Variants in EVC observed in about 807,000 individuals in gnomAD.
EVC encodes evC complex member EVC.
In EVC, 116 loss-of-function variants were observed where a neutral mutation model predicts 118.9. The ratio of observed to expected loss-of-function variants is 0.98; its 90% CI spans 0.84 to 1.14. The LOEUF is 1.14. EVC is among the 50% of genes most tolerant of loss of function. The pLI is 0.00. For synonymous variants in EVC, 619 were observed against 534.7 expected, an observed-to-expected ratio of 1.16 and a Z score of -2.18; for missense variants, 1,401 against 1,246.4, an observed-to-expected ratio of 1.12 and a Z score of -1.87.
At chr4:5,714,456 C>T (rs1200601153) in intron 1 of EVC, among the ~76,000 whole-genome samples, 3 of 151,526 alleles carry the variant, frequency 2.0e-5, no homozygotes, top group African/African-American at 7.3e-5. Context: ...GAATTTACTT[C>T]CCATTTCTAA....
Position 5,756,293 on chromosome 4 carries a change from G to A in EVC, c.1494G>A (p.Arg498=). The change falls in exon 11 of 21, where the codon AGG becomes AGA. Residue 498 remains arginine (R), a synonymous_variant. Transcript: ENST00000264956. The surrounding 1 kb of genome is among the most constrained non-coding windows in gnomAD (Gnocchi z 4.2). ...TTCATGAGGTCCTGGAGAGGCAGAGGCTGATGCAGTGTGACCTGGAGGAAG... is the reference window on the plus strand; with the variant it reads ...TTCATGAGGTCCTGGAGAGGCAGAGACTGATGCAGTGTGACCTGGAGGAAG... ...EAFHEVLERQ[R]LMQCDLEEEE... The A allele has an allele frequency of 6.2e-7, 1 of 1,613,210 alleles. No homozygotes were observed. The highest frequency in any genetic ancestry group is 8.5e-7 in the Non-Finnish European group (1 of 1,179,810).
chr4:5,748,929 C>G (rs1729921639), intron 8 of EVC, among the ~76,000 whole-genome samples: 1 of 101,124 alleles, frequency 9.9e-6, no homozygotes, highest in African/African-American at 2.8e-5. Context: ...TTCTTGGGCC[C>G]CAGATGGGTC....
intron 10 of EVC, 47 bp downstream of exon 10, chr4:5,753,980 G>A (rs1426337184): frequency 1.9e-6 from 3 of 1,611,380 alleles, no homozygotes; most frequent in Non-Finnish European, 2.5e-6. Flanking sequence ...GCCAGTTGTA[G>A]CTCTGTTCCC....
In EVC at chr4:5,733,255, G is replaced by T; in HGVS notation, c.618-96G>T. ...GCAGAATGAGAGTTTGAGGCAGGGT[G>T]TGCTGTGGCTTGTACTGATGAGGGA... On this transcript the variant is annotated intron_variant, in intron 4 of 20. Coordinates refer to ENST00000264956, the MANE Select transcript of EVC (RefSeq NM_153717.3). The T allele has an allele frequency of 1.3e-5, 12 of 945,330 alleles. No homozygotes were observed. In the South Asian group the frequency reaches 1.5e-4, roughly 12 times the overall value. The allele number at this position is 945,330 out of a possible 1,614,324, so 58.6% of individuals were successfully genotyped here. A position where few individuals can be genotyped will look rare whatever the true frequency, so the allele number is the denominator to read the frequency against.
intron 1 of EVC, among the ~76,000 whole-genome samples, chr4:5,715,740 C>CTTTTTT (rs35287924): frequency 1.4e-5 from 1 of 70,992 alleles, no homozygotes; most frequent in Non-Finnish European, 3.0e-5. Flanking sequence ...TTTCCATTGT[C>CTTTTTT]TTTTTTTTTT....
chr4:5,818,072 G>A (rs1717969773), downstream of EVC, among the ~76,000 whole-genome samples: 1 of 152,132 alleles, frequency 6.6e-6, no homozygotes, highest in African/African-American at 2.4e-5. Flanking sequence ...GGACCTGGTG[G>A]GAGATAATTG....
At chr4:5,722,154 A>T (rs1447316286) in intron 2 of EVC, among the ~76,000 whole-genome samples, 2 of 152,198 alleles carry the variant, frequency 1.3e-5, no homozygotes, top group Non-Finnish European at 2.9e-5. Flanking sequence ...TTTAAATGAC[A>T]GCAGTGATGG....
rs969004834 is a variant in EVC, at chr4:5,755,680, C to A, written c.1465-584C>A. On this transcript the variant is annotated intron_variant, in intron 10 of 20. Transcript: ENST00000264956. The surrounding 1 kb of genome is among the most constrained non-coding windows in gnomAD (Gnocchi z 4.1). ...AAACATCTCCCCAACAGGGAATTTT[C>A]TCCTGCAACCCTTCCCTGAGAAGGG... 1.3e-5 allele frequency among the ~76,000 whole-genome samples: 2 copies of A among 152,180 alleles called. No homozygotes were observed. Among genetic ancestry groups the A allele is most frequent in the Admixed American group, 1.3e-4 (2 of 15,280 alleles).
chr4:5,799,717 T>C (rs1281282757), intron 15 of EVC, among the ~76,000 whole-genome samples: 7 of 152,190 alleles, frequency 4.6e-5, no homozygotes, highest in Non-Finnish European at 8.8e-5. Flanking sequence ...CCAGGAGCCC[T>C]CCAAGGGGTT....
intron 16 of EVC, 136 bp downstream of exon 16, chr4:5,802,230 C>T (rs528692410): frequency 7.8e-7 from 1 of 1,287,084 alleles, no homozygotes; most frequent in Non-Finnish European, 1.1e-6. Flanking sequence ...ATGTATTTAT[C>T]CCGTGCTTTG....
chr4:5,733,431 A>C lies in EVC; in HGVS notation c.698A>C (p.His233Pro), dbSNP rs769431829. The C allele has an allele frequency of 1.9e-6, 3 of 1,613,750 alleles. No homozygotes were observed. The highest frequency in any genetic ancestry group is 2.5e-6 in the Non-Finnish European group (3 of 1,179,770). ...HLDTALRQEKHMMFIQIFKMC... is the reference protein window; with the variant it reads ...HLDTALRQEKPMMFIQIFKMC... ...GACACGGCACTGAGGCAGGAAAAGCATATGGTAGGTGGAGATGTTCGCATT... is the reference window on the plus strand; with the variant it reads ...GACACGGCACTGAGGCAGGAAAAGCCTATGGTAGGTGGAGATGTTCGCATT... The change falls in exon 5 of 21, where the codon CAT (histidine) becomes CCT (proline). Residue 233 changes from histidine to proline, a missense_variant. His to Pro is a moderately conservative substitution (Grantham distance 77). Transcript: ENST00000264956.
chr4:5,800,492 A>T (rs1383645207), intron 15 of EVC, among the ~76,000 whole-genome samples: 1 of 152,158 alleles, frequency 6.6e-6, no homozygotes, highest in Admixed American at 6.5e-5. Context: ...CCAGAAAAAA[A>T]CTGAGGAGGA....
chr4:5,712,356 G>A (rs1317701449), intron 1 of EVC, among the ~76,000 whole-genome samples: 3 of 152,218 alleles, frequency 2.0e-5, no homozygotes, highest in Admixed American at 6.5e-5. Flanking sequence ...TAACCCCAAA[G>A]CCACTGTGTT....
intron 17 of EVC, among the ~76,000 whole-genome samples, chr4:5,805,891 C>T (rs115056578): frequency 9.8e-4 from 121 of 123,862 alleles, no homozygotes; most frequent in South Asian, 1.3e-3. Flanking sequence ...AGTTTCTTTT[C>T]TTTTTTTTTT....
At position 5,737,974 on chromosome 4, in the gene EVC, C is replaced by G. The variant is rs1021328082; in HGVS notation, c.703-3742C>G. Among the ~76,000 whole-genome samples the G allele has an allele frequency of 1.3e-5, 2 of 152,102 alleles. No homozygotes were observed. The highest frequency in any genetic ancestry group is 4.8e-5 in the African/African-American group (2 of 41,402). On this transcript the variant is annotated intron_variant, in intron 5 of 20. Transcript: ENST00000264956. The surrounding 1 kb of genome is among the most constrained non-coding windows in gnomAD (Gnocchi z 5.0). ...GGATTTGAACAATGTAAATTGAAAA[C>G]CTTCTGGAAAGGATTCACCATTCTA...
At chr4:5,821,920 C>A in the EVC span, 2 of 1,236,982 alleles carry the variant, frequency 1.6e-6, no homozygotes, top group Middle Eastern at 2.0e-4. The surrounding 1 kb of genome is among the most constrained non-coding windows in gnomAD (Gnocchi z 4.4). Flanking sequence ...TCCTGGAGGC[C>A]ATGTACTCTG....
downstream of EVC, among the ~76,000 whole-genome samples, chr4:5,814,950 T>C (rs115209129): frequency 9.0e-3 from 1,363 of 152,008 alleles, 22 homozygotes; most frequent in African/African-American, 0.031. Context: ...TAAATAACCT[T>C]CCTTTATTTC....
chr4:5,783,926 TGA>T (rs1240367795), intron 12 of EVC, among the ~76,000 whole-genome samples, 162 bp downstream of exon 12: 1 of 152,094 alleles, frequency 6.6e-6, no homozygotes, highest in Admixed American at 6.6e-5. Context: ...AGGGGTGGGA[TGA>T]GAGAGCAGAG....
chr4:5,804,444 T>G (rs1337651824), intron 16 of EVC, among the ~76,000 whole-genome samples: 1 of 152,162 alleles, frequency 6.6e-6, no homozygotes. Context: ...TTGTGGTGCC[T>G]TCTCAGTGTT....
Sources: gnomAD v4.1 joint callset for allele counts (sites outside exome capture counted in the v4.1 genomes callset) on GRCh38, gnomAD v4.1.1 for gene constraint, Gnocchi (gnomAD v3.1) non-coding constraint, MANE v1.5 for transcripts, NCBI Gene and HGNC (gene_info 2026-07-23, HGNC 2026-07-21) for gene names.